The following SLC28A1 variants were observed in gnomAD, a reference collection of about 807,000 sequenced individuals.
The protein encoded by SLC28A1 is solute carrier family 28 member 1, also known as sodium/nucleoside cotransporter 1.
In SLC28A1, 64 loss-of-function variants were observed where a neutral mutation model predicts 74.8. That is an observed-to-expected ratio of 0.86 (90% CI 0.70 to 1.05). The LOEUF (loss-of-function observed/expected upper bound fraction) is 1.05. Among genes scored for constraint, SLC28A1 ranks in the 50% least tolerant of loss-of-function variants. The pLI is 0.00. For synonymous variants in SLC28A1, 359 were observed against 335.0 expected (o/e 1.07, Z -0.78); for missense variants, 828 against 822.8 (o/e 1.01, Z -0.08).
At chr15:84,890,138 G>A (rs1965201281) in intron 4 of SLC28A1, among the ~76,000 whole-genome samples, 1 of 152,110 alleles carries the variant, frequency 6.6e-6, no homozygotes, top group Non-Finnish European at 1.5e-5. Flanking sequence ...CCCCCCCACC[G>A]GCCACATTTC....
chr15:84,898,646 G>A (rs1433322739), intron 6 of SLC28A1, among the ~76,000 whole-genome samples: 1 of 151,876 alleles, frequency 6.6e-6, no homozygotes, highest in Non-Finnish European at 1.5e-5. Context: ...CAGAGACCAG[G>A]TTTATCCTCC....
chr15:84,923,962 T>G lies in SLC28A1; in HGVS notation c.958-23T>G, dbSNP rs2141936549. On this transcript the variant is annotated intron_variant, in intron 11 of 18. Coordinates refer to ENST00000394573, the MANE Select transcript of SLC28A1 (RefSeq NM_004213.5). The stretch of plus-strand genomic sequence containing the variant: ...TGCCCAATCACCCCCACCCTGCTTG[T>G]CTGACATCTTTCCTGTTTGCAGACC... 2.5e-6 allele frequency: 4 copies of G among 1,614,014 alleles called. No homozygotes were observed. In the East Asian group the frequency reaches 8.9e-5, roughly 36 times the overall value.
chr15:84,900,161 A>G (rs4410049), intron 6 of SLC28A1, among the ~76,000 whole-genome samples: 47,124 of 151,228 alleles, frequency 0.31, 8,611 homozygotes, highest in South Asian at 0.56. Flanking sequence ...TAATAAAAAT[A>G]TATATATAAA....
At chr15:84,927,887 CT>C (rs1046534197) in intron 12 of SLC28A1, among the ~76,000 whole-genome samples, 4 of 121,816 alleles carry the variant, frequency 3.3e-5, no homozygotes, top group African/African-American at 1.3e-4. Flanking sequence ...GTTCCTGAAA[CT>C]TTTTTTCATG....
At chr15:84,885,850 G>A (rs1265402426) in intron 1 of SLC28A1, among the ~76,000 whole-genome samples, 5 of 151,940 alleles carry the variant, frequency 3.3e-5, no homozygotes, top group Non-Finnish European at 7.4e-5. Context: ...ATGTTTAAAT[G>A]TTTAATGATA....
chr15:84,898,621 G>A (rs968308600), intron 6 of SLC28A1, among the ~76,000 whole-genome samples: 1 of 151,344 alleles, frequency 6.6e-6, no homozygotes, highest in Non-Finnish European at 1.5e-5. Context: ...TTGGCTCCCA[G>A]TTAAGATGTG....
At chr15:84,942,383 AT>A (rs1261278120) in intron 15 of SLC28A1, among the ~76,000 whole-genome samples, 1 of 152,200 alleles carries the variant, frequency 6.6e-6, no homozygotes, top group Non-Finnish European at 1.5e-5. Context: ...TTATTCATTT[AT>A]TCTAACTATT....
intron 9 of SLC28A1, among the ~76,000 whole-genome samples, chr15:84,910,118 C>T (rs765520712): frequency 3.9e-5 from 6 of 152,226 alleles, no homozygotes; most frequent in Admixed American, 1.3e-4. Flanking sequence ...AGTCTAACAT[C>T]GTCAGCCCTA....
At chr15:84,914,365 G>A (rs186400884) in intron 9 of SLC28A1, among the ~76,000 whole-genome samples, 14 of 152,272 alleles carry the variant, frequency 9.2e-5, no homozygotes, top group Non-Finnish European at 1.0e-4. Flanking sequence ...ATGAATTTAG[G>A]GGGACACAGA....
chr15:84,942,875 G>C (rs1596366368), intron 15 of SLC28A1, among the ~76,000 whole-genome samples: 1 of 152,108 alleles, frequency 6.6e-6, no homozygotes, highest in South Asian at 2.1e-4. Flanking sequence ...AGAAAGGCTG[G>C]TAATGAAGAT....
intron 9 of SLC28A1, among the ~76,000 whole-genome samples, chr15:84,911,028 G>T (rs1968124990): frequency 6.6e-6 from 1 of 152,224 alleles, no homozygotes; most frequent in Non-Finnish European, 1.5e-5. Context: ...CAGTGGATAG[G>T]CAGGTAAGCT....
intron 6 of SLC28A1, among the ~76,000 whole-genome samples, chr15:84,903,671 G>A (rs879685739): frequency 1.3e-5 from 2 of 152,280 alleles, no homozygotes; most frequent in Middle Eastern, 3.4e-3. Flanking sequence ...AGTCATGGCT[G>A]GTAGTGTTGA....
At chr15:84,956,443 CTTTCT>C in the SLC28A1 span, among the ~76,000 whole-genome samples, 1 of 65,998 alleles carries the variant, frequency 1.5e-5, no homozygotes, top group Admixed American at 1.7e-4. Flanking sequence ...TCCTTCCTTC[CTTTCT>C]TTCTTTCTTT....
chr15:84,955,841 C>A, the SLC28A1 span, among the ~76,000 whole-genome samples: 12 of 152,128 alleles, frequency 7.9e-5, no homozygotes, highest in African/African-American at 2.9e-4. Context: ...CCCCTAGGTG[C>A]GGCTCAATTT....
At chr15:84,969,512 G>A in the SLC28A1 span, among the ~76,000 whole-genome samples, 1 of 126,708 alleles carries the variant, frequency 7.9e-6, no homozygotes, top group Non-Finnish European at 1.7e-5. Flanking sequence ...ATTATGTGCT[G>A]GGAAAGGGAG....
chr15:84,971,517 C>T, the SLC28A1 span, among the ~76,000 whole-genome samples: 39 of 152,294 alleles, frequency 2.6e-4, no homozygotes, highest in African/African-American at 8.2e-4. Context: ...CTGCACACAC[C>T]GGTTCTCCTT....
the SLC28A1 span, among the ~76,000 whole-genome samples, chr15:84,952,226 A>C: frequency 6.6e-6 from 1 of 152,222 alleles, no homozygotes; most frequent in Non-Finnish European, 1.5e-5. Flanking sequence ...CAAGGAAGAG[A>C]TGATCCCACA....
intron 5 of SLC28A1, among the ~76,000 whole-genome samples, chr15:84,892,725 T>A (rs1965496600): frequency 6.6e-6 from 1 of 152,190 alleles, no homozygotes; most frequent in Non-Finnish European, 1.5e-5. Flanking sequence ...GAAATGAGGC[T>A]CATATTCTCA....
chr15:84,957,964 G>A, the SLC28A1 span, among the ~76,000 whole-genome samples: 9 of 152,128 alleles, frequency 5.9e-5, no homozygotes, highest in East Asian at 1.9e-4. Context: ...ATGCCTCTCC[G>A]TTTGCTTAGA....
Sources: gnomAD v4.1 joint callset for allele counts (sites outside exome capture counted in the v4.1 genomes callset) on GRCh38, gnomAD v4.1.1 for gene constraint, MANE v1.5 for transcripts, NCBI Gene and HGNC (gene_info 2026-07-23, HGNC 2026-07-21) for gene names.